HIVEP3: variants seen among roughly 807,000 people sequenced by gnomAD.
The protein encoded by HIVEP3 is HIVEP zinc finger 3, also known as transcription factor HIVEP3.
A neutral mutation model predicts 152.8 loss-of-function variants in HIVEP3; 49 were observed. The ratio of observed to expected loss-of-function variants is 0.32; its 90% CI spans 0.26 to 0.41. The LOEUF (loss-of-function observed/expected upper bound fraction) is 0.41, where lower values mean the gene tolerates loss of function less well. Among genes scored for constraint, HIVEP3 ranks in the 10% least tolerant of loss-of-function variants. The pLI, the probability that HIVEP3 is intolerant of heterozygous loss-of-function variation, is 1.00. For missense variants in HIVEP3, 2,790 were observed against 3,103.3 expected (o/e 0.90, Z 2.40); for synonymous variants, 1,269 against 1,289.0 (o/e 0.98, Z 0.33).
At chr1:41,600,333 T>G (rs1644727386) in intron 3 of HIVEP3, among the ~76,000 whole-genome samples, 3 of 152,222 alleles carry the variant, frequency 2.0e-5, no homozygotes, top group African/African-American at 7.2e-5. Context: ...CATTGATGAA[T>G]GAATGGATAA....
rs944961085 is a variant in HIVEP3 at position 41,662,977 on chromosome 1, C to T, written c.-720-34030G>A. 6.6e-6 allele frequency among the ~76,000 whole-genome samples: 1 copy of T among 152,176 alleles called. No individual in the cohort carries two copies. The highest frequency in any genetic ancestry group is 2.4e-5 in the African/African-American group (1 of 41,450). On this transcript the variant is annotated intron_variant, in intron 2 of 8. Transcript: ENST00000372583. This position sits in a 1 kb window ranked among gnomAD's most constrained non-coding sequence, Gnocchi z 7.2. Reference sequence around the variant, plus strand: ...GGGCGGGGCGGGCCTGCCAGGGCCTCCCTGGGCTCAGGCCTGGGGTGGGGG... The same window carrying T: ...GGGCGGGGCGGGCCTGCCAGGGCCTTCCTGGGCTCAGGCCTGGGGTGGGGG...
chr1:41,636,545 A>G (rs1256533294), intron 2 of HIVEP3, among the ~76,000 whole-genome samples: 1 of 152,248 alleles, frequency 6.6e-6, no homozygotes, highest in African/African-American at 2.4e-5. Flanking sequence ...AGATTGGATA[A>G]AAATATTTGC....
At chr1:41,797,494 T>A (rs1449899783) in intron 1 of HIVEP3, among the ~76,000 whole-genome samples, 1 of 152,096 alleles carries the variant, frequency 6.6e-6, no homozygotes, top group Non-Finnish European at 1.5e-5. Flanking sequence ...TTAAATTACA[T>A]GCTTCTTCTT....
chr1:41,845,070 G>A (rs758765209), intron 1 of HIVEP3, among the ~76,000 whole-genome samples: 16 of 152,242 alleles, frequency 1.1e-4, no homozygotes, highest in Middle Eastern at 6.8e-3. Context: ...CACCTCCTTC[G>A]CATCTATGCT....
intron 2 of HIVEP3, among the ~76,000 whole-genome samples, chr1:41,683,801 C>A (rs1570307775): frequency 6.6e-6 from 1 of 152,180 alleles, no homozygotes; most frequent in African/African-American, 2.4e-5. Flanking sequence ...AGGCTCAGGA[C>A]CTGGAGGCAG....
chr1:41,684,229 C>A (rs148202798), intron 2 of HIVEP3, among the ~76,000 whole-genome samples: 2 of 152,148 alleles, frequency 1.3e-5, no homozygotes, highest in Non-Finnish European at 2.9e-5. Flanking sequence ...GCGAGACAAG[C>A]AGCAGAGGAA....
chr1:41,552,683 T>C (rs886554286), intron 5 of HIVEP3, among the ~76,000 whole-genome samples: 3 of 151,754 alleles, frequency 2.0e-5, no homozygotes, highest in African/African-American at 7.3e-5. Flanking sequence ...AACATACGTG[T>C]GCATGTGTCT....
Position 41,583,291 on chromosome 1 carries a change from T to G in HIVEP3, c.1507A>C (p.Ser503Arg). 1 of 1,613,026 alleles carries G rather than the reference T, an allele frequency of 6.2e-7. No individual in the cohort carries two copies. Among genetic ancestry groups the G allele is most frequent in the Non-Finnish European group, 8.5e-7 (1 of 1,179,630 alleles). ...RRSSMESPKS[S>R]LYREPLSSHS... ...GATGACAGGGGCTCCCGGTAGAGGCTGGATTTTGGGGACTCCATGCTGCTG... is the reference window on the plus strand; with the variant it reads ...GATGACAGGGGCTCCCGGTAGAGGCGGGATTTTGGGGACTCCATGCTGCTG... The change falls in exon 4 of 9, where the codon AGC (serine) becomes CGC (arginine). Residue 503 changes from serine to arginine, a missense_variant. Physicochemically the swap from Ser to Arg is moderately radical, Grantham distance 110. Transcript: ENST00000372583. The surrounding 1 kb of genome is among the most constrained non-coding windows in gnomAD (Gnocchi z 6.9).
At chr1:41,839,083 T>A (rs1643209959) in intron 1 of HIVEP3, among the ~76,000 whole-genome samples, 1 of 152,150 alleles carries the variant, frequency 6.6e-6, no homozygotes, top group Admixed American at 6.5e-5. Flanking sequence ...TGTGTGACCT[T>A]GTCAAGTTTC....
chr1:41,891,743 C>T (rs938487876), intron 1 of HIVEP3, among the ~76,000 whole-genome samples: 8 of 152,356 alleles, frequency 5.3e-5, no homozygotes, highest in South Asian at 2.1e-4. Flanking sequence ...AAGCACAGCT[C>T]GCTCAAGAGG....
At chr1:41,929,462 T>C (rs1471082818) in intron 1 of HIVEP3, among the ~76,000 whole-genome samples, 3 of 151,920 alleles carry the variant, frequency 2.0e-5, no homozygotes, top group Admixed American at 6.6e-5. Context: ...TCCAGGCTCA[T>C]CTTGTAGTTT....
chr1:41,830,992 G>A (rs72671245), intron 1 of HIVEP3, among the ~76,000 whole-genome samples: 19,572 of 152,162 alleles, frequency 0.13, 1,569 homozygotes, highest in Middle Eastern at 0.19. Context: ...CCAAATCATT[G>A]CTAGCATATT....
intron 1 of HIVEP3, among the ~76,000 whole-genome samples, chr1:41,748,137 G>T (rs965122736): frequency 6.6e-6 from 1 of 152,200 alleles, no homozygotes; most frequent in Non-Finnish European, 1.5e-5. Flanking sequence ...GGTGAGACTG[G>T]TCACAAATGC....
At chr1:41,518,203 T>A (rs556465726) in intron 7 of HIVEP3, among the ~76,000 whole-genome samples, 199 bp downstream of exon 7, 17 of 151,860 alleles carry the variant, frequency 1.1e-4, no homozygotes, top group Admixed American at 2.0e-4. Context: ...TGTGGGGAGG[T>A]GGCTCGATCA....
chr1:41,975,824 T>G (rs1222794545), intron 1 of HIVEP3, among the ~76,000 whole-genome samples: 2 of 151,706 alleles, frequency 1.3e-5, no homozygotes, highest in African/African-American at 4.8e-5. Context: ...ATAAAGAGAG[T>G]CTGTGGTGGC....
At chr1:41,837,328 T>G (rs1223882265) in intron 1 of HIVEP3, among the ~76,000 whole-genome samples, 1 of 152,152 alleles carries the variant, frequency 6.6e-6, no homozygotes, top group Non-Finnish European at 1.5e-5. Context: ...ATTATTTTTA[T>G]TTTTATTATT....
chr1:41,975,480 G>T (rs927493973), intron 1 of HIVEP3, among the ~76,000 whole-genome samples: 5 of 152,214 alleles, frequency 3.3e-5, no homozygotes, highest in African/African-American at 1.2e-4. Flanking sequence ...TTGATTGAAT[G>T]AATCAATCTG....
chr1:42,022,865 A>T (rs1439213518), intron 1 of HIVEP3, among the ~76,000 whole-genome samples: 1 of 152,200 alleles, frequency 6.6e-6, no homozygotes, highest in Non-Finnish European at 1.5e-5. Context: ...GGCACTACAG[A>T]ACATGGTGAG....
intron 1 of HIVEP3, among the ~76,000 whole-genome samples, chr1:41,800,682 G>A (rs920370687): frequency 6.6e-6 from 1 of 152,222 alleles, no homozygotes; most frequent in African/African-American, 2.4e-5. Context: ...AAGCCAGCAG[G>A]GAACTCAAAT....
Sources: allele counts gnomAD v4.1 joint callset (sites outside exome capture counted in the v4.1 genomes callset), GRCh38; gene constraint gnomAD v4.1.1; non-coding constraint Gnocchi (gnomAD v3.1); transcripts MANE v1.5; gene names NCBI Gene and HGNC (gene_info 2026-07-23, HGNC 2026-07-21).